The following PPM1H variants were observed in gnomAD, a reference collection of about 807,000 sequenced individuals.
PPM1H encodes the protein protein phosphatase 1H.
Under a neutral mutation model 54.9 loss-of-function variants are expected in PPM1H, and 27 were observed. The ratio of observed to expected loss-of-function variants is 0.49; its 90% CI spans 0.36 to 0.68. The LOEUF (loss-of-function observed/expected upper bound fraction) is 0.68. Among genes scored for constraint, PPM1H ranks in the 30% least tolerant of loss-of-function variants. The pLI is 0.00. For synonymous variants in PPM1H, 305 were observed against 270.8 expected (o/e 1.13, Z -1.24); for missense variants, 596 against 667.8 (o/e 0.89, Z 1.19).
Position 62,934,571 on chromosome 12 carries a change from A to C in PPM1H, c.166T>G (p.Cys56Gly). 6.4e-7 allele frequency: 1 copy of C among 1,557,084 alleles called. No homozygotes were observed. Among genetic ancestry groups the C allele is most frequent in the Non-Finnish European group, 8.7e-7 (1 of 1,151,810 alleles). The change falls in exon 1 of 10, where the codon TGC (cysteine) becomes GGC (glycine). Residue 56 changes from cysteine (C) to glycine (G), a missense_variant. Cys to Gly is a radical substitution (Grantham distance 159). This residue lies in a region of PPM1H where 382 missense variants were observed against 387.1 expected (regional missense o/e 0.99). Transcript: ENST00000228705. This position sits in a 1 kb window ranked among gnomAD's most constrained non-coding sequence, Gnocchi z 4.2. ...FLGLSQDEVE[C>G]SADHIARPIL... The stretch of plus-strand genomic sequence containing the variant: ...GGGCGGGCGATGTGGTCGGCGCTGC[A>C]CTCCACCTCGTCCTGAGACAGCCCC...
intron 4 of PPM1H, among the ~76,000 whole-genome samples, chr12:62,786,056 G>A (rs1054046270): frequency 1.3e-5 from 2 of 152,140 alleles, no homozygotes; most frequent in Non-Finnish European, 2.9e-5. Flanking sequence ...TAGTCCCTGA[G>A]TGGGCCAGGA....
intron 4 of PPM1H, among the ~76,000 whole-genome samples, chr12:62,763,927 G>A (rs542402922): frequency 2.6e-5 from 4 of 152,246 alleles, no homozygotes; most frequent in South Asian, 2.1e-4. Context: ...GAGAGCCGAC[G>A]TCCTAAGATA....
At chr12:62,746,522 C>T (rs1471252442) in intron 4 of PPM1H, among the ~76,000 whole-genome samples, 1 of 152,204 alleles carries the variant, frequency 6.6e-6, no homozygotes, top group Non-Finnish European at 1.5e-5. Flanking sequence ...GACAGCCACC[C>T]AGGAGTATGG....
chr12:62,724,175 A>T (rs546320137), intron 5 of PPM1H, among the ~76,000 whole-genome samples: 19 of 152,234 alleles, frequency 1.2e-4, no homozygotes, highest in Non-Finnish European at 2.4e-4. Context: ...GTCCCTAAAA[A>T]TACAGTTTGC....
chr12:62,873,010 T>C (rs943359011), intron 1 of PPM1H, among the ~76,000 whole-genome samples: 1 of 152,112 alleles, frequency 6.6e-6, no homozygotes, highest in Admixed American at 6.5e-5. Context: ...GCAAGAAAAA[T>C]ACTACTTTTT....
chr12:62,676,505 G>A (rs1220794742), intron 8 of PPM1H, among the ~76,000 whole-genome samples: 1 of 152,190 alleles, frequency 6.6e-6, no homozygotes, highest in Non-Finnish European at 1.5e-5. Flanking sequence ...ATGCTCTTGG[G>A]TGTCTTGGAA....
chr12:62,890,771 T>C (rs981636200), intron 1 of PPM1H, among the ~76,000 whole-genome samples: 3 of 148,600 alleles, frequency 2.0e-5, no homozygotes, highest in Admixed American at 6.7e-5. Flanking sequence ...TATATATGAA[T>C]GAAACAGCAA....
At chr12:62,726,191 C>T (rs1367616180) in intron 5 of PPM1H, among the ~76,000 whole-genome samples, 2 of 152,150 alleles carry the variant, frequency 1.3e-5, no homozygotes, top group African/African-American at 4.8e-5. Context: ...ACAGAGCAAA[C>T]ATATGGTTGC....
chr12:62,928,981 C>A (rs1872052642), intron 1 of PPM1H, among the ~76,000 whole-genome samples: 1 of 152,094 alleles, frequency 6.6e-6, no homozygotes, highest in Admixed American at 6.6e-5. Flanking sequence ...AGGTCTTGGG[C>A]CTTCAGGTAC....
intron 1 of PPM1H, among the ~76,000 whole-genome samples, chr12:62,888,185 C>A (rs1376184281): frequency 6.6e-6 from 1 of 152,110 alleles, no homozygotes; most frequent in East Asian, 1.9e-4. Context: ...AGACAAAGAA[C>A]AGAGCCTGAG....
At chr12:62,727,620 T>C (rs1000167265) in intron 5 of PPM1H, among the ~76,000 whole-genome samples, 2 of 145,564 alleles carry the variant, frequency 1.4e-5, no homozygotes, top group Admixed American at 7.1e-5. Flanking sequence ...AAATTAGCAG[T>C]TGATATTAAA....
At position 62,935,046 on chromosome 12, in the gene PPM1H, T is replaced by G; in HGVS notation, c.-310A>C. 1 of 181,330 alleles carries G rather than the reference T, an allele frequency of 5.5e-6. No individual in the cohort carries two copies. Among genetic ancestry groups the G allele is most frequent in the Non-Finnish European group, 1.1e-5 (1 of 87,512 alleles). 11.2% of individuals were successfully genotyped at this position (181,330 alleles called of 1,614,324 possible). On this transcript the variant is annotated 5_prime_UTR_variant, in exon 1 of 10. Coordinates refer to ENST00000228705, the MANE Select transcript of PPM1H (RefSeq NM_020700.2). Reference sequence around the variant, plus strand: ...GCGGCTGCAGCTGCAGCAGGTCCCTTCCCCGCCCCCTGCGCTCGGCTCCGG... The same window carrying G: ...GCGGCTGCAGCTGCAGCAGGTCCCTGCCCCGCCCCCTGCGCTCGGCTCCGG...
intron 4 of PPM1H, among the ~76,000 whole-genome samples, chr12:62,762,101 A>G (rs1384982869): frequency 2.0e-5 from 3 of 152,236 alleles, no homozygotes; most frequent in Non-Finnish European, 4.4e-5. Context: ...AGAATCTGCC[A>G]AGCCCCAAGT....
intron 4 of PPM1H, among the ~76,000 whole-genome samples, chr12:62,764,244 C>A (rs1221507578): frequency 6.6e-6 from 1 of 152,128 alleles, no homozygotes; most frequent in Non-Finnish European, 1.5e-5. Flanking sequence ...TGTGGAGGCA[C>A]CGTCTAGGGA....
At chr12:62,906,870 A>G (rs954877879) in intron 1 of PPM1H, among the ~76,000 whole-genome samples, 4 of 152,268 alleles carry the variant, frequency 2.6e-5, no homozygotes, top group African/African-American at 9.6e-5. Context: ...TAGCGTAACA[A>G]CACGTTCCTT....
intron 5 of PPM1H, among the ~76,000 whole-genome samples, chr12:62,737,295 C>T (rs1218801355): frequency 1.3e-5 from 2 of 151,636 alleles, no homozygotes; most frequent in East Asian, 1.9e-4. Flanking sequence ...GAAAATCAGC[C>T]GCAATAATAA....
chr12:62,768,499 C>CA (rs1457049502), intron 4 of PPM1H, among the ~76,000 whole-genome samples: 1 of 151,938 alleles, frequency 6.6e-6, no homozygotes, highest in Non-Finnish European at 1.5e-5. Flanking sequence ...ACTAAAAATA[C>CA]AAAAAATTAG....
chr12:62,657,913 T>A (rs916422013), intron 9 of PPM1H, among the ~76,000 whole-genome samples: 2 of 152,130 alleles, frequency 1.3e-5, no homozygotes, highest in Admixed American at 6.5e-5. Flanking sequence ...AGTGTGGACA[T>A]CAGGAAGGCT....
intron 1 of PPM1H, among the ~76,000 whole-genome samples, chr12:62,879,015 C>G (rs1278575609): frequency 6.6e-6 from 1 of 152,224 alleles, no homozygotes; most frequent in African/African-American, 2.4e-5. Context: ...TTCAGAGCAC[C>G]TGCGATGGCA....
Sources: allele counts gnomAD v4.1 joint callset (sites outside exome capture counted in the v4.1 genomes callset), GRCh38; gene constraint gnomAD v4.1.1; regional missense constraint gnomAD v4.1.1; non-coding constraint Gnocchi (gnomAD v3.1); transcripts MANE v1.5; gene names NCBI Gene and HGNC (gene_info 2026-07-23, HGNC 2026-07-21).